Variants in FAM220A observed in about 807,000 individuals in gnomAD.
FAM220A encodes the protein family with sequence similarity 220 member A.
For synonymous variants in FAM220A, 141 were observed against 130.7 expected, an observed-to-expected ratio of 1.08 and a Z score of -0.54; for missense variants, 392 against 321.6, an observed-to-expected ratio of 1.22 and a Z score of -1.68.
chr7:6,347,764 C>A (rs1781979704), intron 1 of FAM220A, among the ~76,000 whole-genome samples: 1 of 151,822 alleles, frequency 6.6e-6, no homozygotes, highest in Admixed American at 6.6e-5. Context: ...TAACATAAAA[C>A]GTCTATGCAG....
intron 1 of FAM220A, among the ~76,000 whole-genome samples, chr7:6,344,254 GGTAA>G (rs1351249622): frequency 6.6e-6 from 1 of 152,016 alleles, no homozygotes; most frequent in Admixed American, 6.6e-5. Flanking sequence ...CTTCAAATCA[GGTAA>G]GTTAGTGTTT....
intron 1 of FAM220A, among the ~76,000 whole-genome samples, chr7:6,339,444 A>G (rs183202656): frequency 2.5e-4 from 38 of 152,246 alleles, no homozygotes; most frequent in Non-Finnish European, 4.3e-4. Flanking sequence ...CTCCATAAAA[A>G]ATAAATCATC....
At position 6,330,295 on chromosome 7, in the gene FAM220A, T is replaced by G; in HGVS notation, c.*80A>C. The G allele has an allele frequency of 7.5e-7, 1 of 1,340,034 alleles. No individual in the cohort carries two copies. The highest frequency in any genetic ancestry group is 1.0e-6 in the Non-Finnish European group (1 of 969,182). 83.0% of individuals were successfully genotyped at this position (1,340,034 alleles called of 1,614,324 possible). On this transcript the variant is annotated 3_prime_UTR_variant, in exon 2 of 2. Coordinates refer to ENST00000313324, the MANE Select transcript of FAM220A (RefSeq NM_001037163.2). ...AGCAGGAACCTAAGGGCTGCACAGT[T>G]TGCATCCAGACTTAATGCGAAAGAA...
chr7:6,333,522 G>A (rs1053330497), intron 1 of FAM220A, among the ~76,000 whole-genome samples: 3 of 152,058 alleles, frequency 2.0e-5, no homozygotes, highest in African/African-American at 7.2e-5. Context: ...TTTTTGAGAC[G>A]AGGTCTCACT....
chr7:6,330,821 C>G lies in FAM220A; in HGVS notation c.334G>C (p.Glu112Gln), dbSNP rs757965191. The G allele has an allele frequency of 1.2e-6, 2 of 1,614,202 alleles. No individual in the cohort carries two copies. Among genetic ancestry groups the G allele is most frequent in the Non-Finnish European group, 1.7e-6 (2 of 1,180,042 alleles). ...CTGCAGGACACCCGAGCAAAACACT[C>G]TGTTGGAGCAGGGAACAAACCCACG... ...TAVGLFPAPT[E>Q]CFARVSCSGV... Residue 112 changes from glutamate to glutamine, a missense_variant, in exon 2 of 2, where the codon GAG (glutamate) becomes CAG (glutamine). By Grantham distance (29) the Glu-to-Gln change is conservative (BLOSUM62 2). Transcript: ENST00000313324.
intron 1 of FAM220A, among the ~76,000 whole-genome samples, chr7:6,342,372 C>T (rs377451633): frequency 6.6e-6 from 1 of 151,724 alleles, no homozygotes; most frequent in African/African-American, 2.4e-5. Flanking sequence ...TGGCAAAACC[C>T]CGACTCTACT....
intron 1 of FAM220A, among the ~76,000 whole-genome samples, chr7:6,333,592 G>C (rs1455952259): frequency 6.6e-6 from 1 of 151,928 alleles, no homozygotes; most frequent in Non-Finnish European, 1.5e-5. Flanking sequence ...TGTAACTTCT[G>C]GGCTCAAGCA....
chr7:6,348,554 G>T lies in FAM220A; in HGVS notation c.-82+19C>A. On this transcript the variant is annotated intron_variant, in intron 1 of 1. Transcript: ENST00000313324. ...GCGCTCGGGGAGGGCCGGGGGCCGGGCAGGCACGGCTCACCCACCTGCAGG... is the reference window on the plus strand; with the variant it reads ...GCGCTCGGGGAGGGCCGGGGGCCGGTCAGGCACGGCTCACCCACCTGCAGG... 2.3e-6 allele frequency: 1 copy of T among 432,374 alleles called. No individual in the cohort carries two copies. Among genetic ancestry groups the T allele is most frequent in the Non-Finnish European group, 4.1e-6 (1 of 242,704 alleles). 26.8% of individuals were successfully genotyped at this position (432,374 alleles called of 1,614,324 possible).
Position 6,330,727 on chromosome 7 carries a change from C to A in FAM220A, c.428G>T (p.Gly143Val). 6.2e-7 allele frequency: 1 copy of A among 1,614,152 alleles called. No individual in the cohort carries two copies. The highest frequency in any genetic ancestry group is 2.2e-5 in the East Asian group (1 of 44,878). The change falls in exon 2 of 2, where the codon GGA (glycine) becomes GTA (valine). Residue 143 changes from glycine to valine, a missense_variant. Gly to Val is a moderately radical substitution (Grantham distance 109). Transcript: ENST00000313324. ...CCGAGGCTCTCCTTTGGGGCACTGT[C>A]CTCTGTGGCCGTCAGTGGCCCTGGG... ...GGPRATDGHRGQCPKGEPRVS... is the reference protein window; with the variant it reads ...GGPRATDGHRVQCPKGEPRVS...
At chr7:6,331,285 TAAGAG>T in intron 1 of FAM220A, 50 bp from the exon 2 acceptor site, 6 of 808,142 alleles carry the variant, frequency 7.4e-6, no homozygotes, top group Non-Finnish European at 1.2e-5. Context: ...ACATGGGTCT[TAAGAG>T]CATCTACACC....
At position 6,330,449 on chromosome 7, in the gene FAM220A, C is replaced by A. The variant is rs200690478; in HGVS notation, c.706G>T (p.Asp236Tyr). The change falls in exon 2 of 2, where the codon GAT becomes TAT. Residue 236 changes from aspartate to tyrosine, a missense_variant. By Grantham distance (160) the Asp-to-Tyr change is radical. Transcript: ENST00000313324. ...EFKKMLKSTSDGLQITLGLLA... is the reference protein window; with the variant it reads ...EFKKMLKSTSYGLQITLGLLA... ...AACCCCAGTGTTATCTGCAGACCATCTGAGGTGCTTTTAAGCATTTTCTTG... is the reference window on the plus strand; with the variant it reads ...AACCCCAGTGTTATCTGCAGACCATATGAGGTGCTTTTAAGCATTTTCTTG... 1 of 1,614,172 alleles carries A rather than the reference C, an allele frequency of 6.2e-7. No individual in the cohort carries two copies. Among genetic ancestry groups the A allele is most frequent in the Non-Finnish European group, 8.5e-7 (1 of 1,180,042 alleles).
chr7:6,330,670 G>C lies in FAM220A; in HGVS notation c.485C>G (p.Pro162Arg), dbSNP rs111228806. The part of the protein sequence containing the change: ...VSRLPRHQKV[P>R]EMGSFQDDPP... ...GTCATCCTGAAAACTTCCCATTTCC[G>C]GCACTTTTTGATGGCGTGGCAGTCG... Residue 162 changes from proline to arginine, a missense_variant, in exon 2 of 2, where the codon CCG becomes CGG. Physicochemically the swap from Pro to Arg is moderately radical, Grantham distance 103. Coordinates refer to ENST00000313324, the MANE Select transcript of FAM220A (RefSeq NM_001037163.2). The C allele has an allele frequency of 6.2e-7, 1 of 1,613,908 alleles. No individual in the cohort carries two copies. The highest frequency in any genetic ancestry group is 8.5e-7 in the Non-Finnish European group (1 of 1,180,034).
chr7:6,344,335 G>C (rs1305541459), intron 1 of FAM220A, among the ~76,000 whole-genome samples: 1 of 151,996 alleles, frequency 6.6e-6, no homozygotes, highest in Non-Finnish European at 1.5e-5. Context: ...AAATATCAAG[G>C]CCAAGAAGAC....
At chr7:6,341,643 T>G (rs1781860479) in intron 1 of FAM220A, among the ~76,000 whole-genome samples, 2 of 147,616 alleles carry the variant, frequency 1.4e-5, no homozygotes, top group South Asian at 4.3e-4. Context: ...TGAGCTGAGA[T>G]CGCGCCACCG....
At chr7:6,348,239 G>GC (rs2115155121) in intron 1 of FAM220A, among the ~76,000 whole-genome samples, 1 of 150,808 alleles carries the variant, frequency 6.6e-6, no homozygotes, top group South Asian at 2.1e-4. Flanking sequence ...ATAAGGGGGG[G>GC]GGTTGCAAAG....
chr7:6,345,168 T>C (rs1781931556), intron 1 of FAM220A, among the ~76,000 whole-genome samples: 1 of 151,864 alleles, frequency 6.6e-6, no homozygotes, highest in Non-Finnish European at 1.5e-5. Flanking sequence ...CCCAGGCTGG[T>C]GTGCAGCATC....
At chr7:6,337,902 C>G (rs894414069) in intron 1 of FAM220A, among the ~76,000 whole-genome samples, 3 of 151,616 alleles carry the variant, frequency 2.0e-5, no homozygotes, top group African/African-American at 7.3e-5. Context: ...CTCCCAGGTT[C>G]AAGCAATTCT....
intron 1 of FAM220A, among the ~76,000 whole-genome samples, chr7:6,338,287 GAT>G (rs1227103573): frequency 6.6e-6 from 1 of 152,132 alleles, no homozygotes; most frequent in Non-Finnish European, 1.5e-5. Context: ...GTATGCTAGA[GAT>G]ATATTGTACC....
intron 1 of FAM220A, among the ~76,000 whole-genome samples, chr7:6,333,769 T>TA (rs982775907): frequency 4.7e-5 from 7 of 148,618 alleles, no homozygotes; most frequent in African/African-American, 1.5e-4. Flanking sequence ...GAAGAACAAG[T>TA]GTCTTTTTTT....
Sources: allele counts gnomAD v4.1 joint callset (sites outside exome capture counted in the v4.1 genomes callset), GRCh38; gene constraint gnomAD v4.1.1; transcripts MANE v1.5; gene names NCBI Gene and HGNC (gene_info 2026-07-23, HGNC 2026-07-21).